ZNF804B: variants seen among roughly 807,000 people sequenced by gnomAD.
The protein encoded by ZNF804B is zinc finger protein 804B, also known as zinc finger 804B.
ZNF804B carries 80 observed loss-of-function variants against 101.4 expected under a neutral mutation model. The observed-to-expected ratio is 0.79, with a 90% CI of 0.66 to 0.95. ZNF804B has a LOEUF of 0.95. ZNF804B is among the 40% of genes least tolerant of loss of function. The pLI is 0.00. For synonymous variants in ZNF804B, 622 were observed against 558.8 expected, an observed-to-expected ratio of 1.11 and a Z score of -1.59; for missense variants, 1,673 against 1,561.9, an observed-to-expected ratio of 1.07 and a Z score of -1.20.
intron 1 of ZNF804B, among the ~76,000 whole-genome samples, chr7:88,950,893 T>C (rs991146994): frequency 1.3e-5 from 2 of 149,776 alleles, no homozygotes; most frequent in African/African-American, 4.9e-5. Flanking sequence ...CCATTGAACC[T>C]TAAAAGCCTC....
chr7:88,811,846 GA>G (rs1720128076), intron 1 of ZNF804B, among the ~76,000 whole-genome samples: 1 of 152,026 alleles, frequency 6.6e-6, no homozygotes, highest in Non-Finnish European at 1.5e-5. Flanking sequence ...AGCATCAGAA[GA>G]AAATAGCTAA....
intron 1 of ZNF804B, among the ~76,000 whole-genome samples, chr7:89,183,346 G>A (rs1415379168): frequency 1.3e-5 from 2 of 151,826 alleles, no homozygotes; most frequent in African/African-American, 4.8e-5. Flanking sequence ...GACCTAAATG[G>A]TATTCATTTT....
At chr7:89,085,276 C>T (rs1789780609) in intron 1 of ZNF804B, among the ~76,000 whole-genome samples, 1 of 151,936 alleles carries the variant, frequency 6.6e-6, no homozygotes, top group African/African-American at 2.4e-5. Flanking sequence ...TACAGATTGT[C>T]AGAAGAAATG....
chr7:89,097,627 A>T (rs1198770022), intron 1 of ZNF804B, among the ~76,000 whole-genome samples: 2 of 152,206 alleles, frequency 1.3e-5, no homozygotes, highest in African/African-American at 4.8e-5. Flanking sequence ...CTCAAATAAA[A>T]CCTAACAAGA....
In ZNF804B at chr7:89,338,424, A is replaced by G. The variant is rs886258316; in HGVS notation, c.*1392A>G. 2.0e-5 allele frequency among the ~76,000 whole-genome samples: 3 copies of G among 152,174 alleles called. No individual in the cohort carries two copies. Among genetic ancestry groups the G allele is most frequent in the Non-Finnish European group, 4.4e-5 (3 of 67,930 alleles). On this transcript the variant is annotated 3_prime_UTR_variant, in exon 4 of 4. Transcript: ENST00000333190. ...TTTGAAATCAGTATTATCATTCCTCATTACAGATAAGGAAAATGAAATAGA... is the reference window on the plus strand; with the variant it reads ...TTTGAAATCAGTATTATCATTCCTCGTTACAGATAAGGAAAATGAAATAGA...
At chr7:88,875,116 A>G (rs1264041405) in intron 1 of ZNF804B, among the ~76,000 whole-genome samples, 1 of 141,292 alleles carries the variant, frequency 7.1e-6, no homozygotes, top group Non-Finnish European at 1.5e-5. Context: ...ACCAATGAGA[A>G]CAAAGACACC....
At chr7:89,112,660 T>C (rs758594030) in intron 1 of ZNF804B, among the ~76,000 whole-genome samples, 4 of 152,184 alleles carry the variant, frequency 2.6e-5, no homozygotes, top group Admixed American at 1.3e-4. Context: ...ACAAAGTAAT[T>C]TGCTGGGATT....
At chr7:89,137,624 A>G (rs746523820) in intron 1 of ZNF804B, among the ~76,000 whole-genome samples, 3 of 152,152 alleles carry the variant, frequency 2.0e-5, no homozygotes, top group Non-Finnish European at 4.4e-5. Flanking sequence ...TGTTAAAGGC[A>G]TTCAGTTTTA....
chr7:88,846,665 T>G lies in ZNF804B; in HGVS notation c.108+86581T>G, dbSNP rs1791377136. ...GAAGAATGGAGGCCCATTTCCTTTT[T>G]GGTATAACATTCTTTTCAGAGGGAA... is the stretch of plus-strand genomic sequence containing the variant. On this transcript the variant is annotated intron_variant, in intron 1 of 3. Transcript: ENST00000333190. Among the ~76,000 whole-genome samples, 4 of 151,954 alleles carry G rather than the reference T, an allele frequency of 2.6e-5. No individual in the cohort carries two copies. The South Asian group carries it at 8.3e-4, about 32-fold the overall frequency.
At chr7:89,249,916 G>C (rs142547296) in intron 2 of ZNF804B, among the ~76,000 whole-genome samples, 3 of 152,252 alleles carry the variant, frequency 2.0e-5, no homozygotes, top group Non-Finnish European at 2.9e-5. Context: ...GGCCAGCTGT[G>C]GTGGTTCACA....
At chr7:88,849,455 A>G (rs984889203) in intron 1 of ZNF804B, among the ~76,000 whole-genome samples, 1 of 151,866 alleles carries the variant, frequency 6.6e-6, no homozygotes, top group Non-Finnish European at 1.5e-5. Flanking sequence ...CAAGATATGA[A>G]TAACTGATTA....
intron 1 of ZNF804B, among the ~76,000 whole-genome samples, chr7:88,970,344 G>GCCCCCCCCCCCCCCCCC (rs3034350): frequency 6.9e-6 from 1 of 144,062 alleles, no homozygotes. Context: ...TTATTCTGAT[G>GCCCCCCCCCCCCCCCCC]CCCCCCCCCC....
At chr7:89,169,115 T>C (rs1257180413) in intron 1 of ZNF804B, among the ~76,000 whole-genome samples, 1 of 152,020 alleles carries the variant, frequency 6.6e-6, no homozygotes, top group Non-Finnish European at 1.5e-5. Context: ...TTTAGCTGGA[T>C]TGGGAGCACA....
chr7:89,066,960 T>C (rs960270251), intron 1 of ZNF804B, among the ~76,000 whole-genome samples: 9 of 151,986 alleles, frequency 5.9e-5, no homozygotes, highest in African/African-American at 1.9e-4. Flanking sequence ...AGTATATATA[T>C]ATCTTGTGGT....
chr7:89,206,694 G>A (rs937163838), intron 1 of ZNF804B, among the ~76,000 whole-genome samples: 1 of 152,180 alleles, frequency 6.6e-6, no homozygotes, highest in Non-Finnish European at 1.5e-5. Flanking sequence ...GGAAGTTGCA[G>A]TGAGCTGAGA....
intron 1 of ZNF804B, chr7:88,794,368 C>T (rs753986544): frequency 1.9e-6 from 3 of 1,613,748 alleles, no homozygotes; most frequent in East Asian, 4.5e-5. Context: ...TCCTTTAGTG[C>T]CTACTTTCAT....
intron 2 of ZNF804B, among the ~76,000 whole-genome samples, chr7:89,236,496 T>A (rs1584075060): frequency 6.6e-6 from 1 of 152,020 alleles, no homozygotes; most frequent in Non-Finnish European, 1.5e-5. Context: ...AGAAAAGAAA[T>A]AATTCTCAAG....
At chr7:89,134,824 T>G (rs1269763091) in intron 1 of ZNF804B, among the ~76,000 whole-genome samples, 1 of 152,048 alleles carries the variant, frequency 6.6e-6, no homozygotes, top group Non-Finnish European at 1.5e-5. Context: ...ACATCCTGTT[T>G]TTTTTTTAAC....
At chr7:89,014,757 T>C (rs1356384798) in intron 1 of ZNF804B, among the ~76,000 whole-genome samples, 1 of 152,248 alleles carries the variant, frequency 6.6e-6, no homozygotes, top group Non-Finnish European at 1.5e-5. Context: ...GATGTTAATG[T>C]TCATCAGAAG....
Sources: gnomAD v4.1 joint callset for allele counts (sites outside exome capture counted in the v4.1 genomes callset) on GRCh38, gnomAD v4.1.1 for gene constraint, MANE v1.5 for transcripts, NCBI Gene and HGNC (gene_info 2026-07-23, HGNC 2026-07-21) for gene names.